BEND7: variants seen among roughly 807,000 people sequenced by gnomAD.
BEND7 encodes BEN domain containing 7.
A neutral mutation model predicts 50.9 loss-of-function variants in BEND7; 28 were observed. The observed-to-expected ratio is 0.55, with a 90% confidence interval of 0.41 to 0.75. BEND7 has a LOEUF of 0.75. Among genes scored for constraint, BEND7 ranks in the 30% least tolerant of loss-of-function variants. The pLI, the probability that BEND7 is intolerant of heterozygous loss-of-function variation, is 0.00. For synonymous variants in BEND7, 170 were observed against 183.9 expected (o/e 0.92, Z 0.61); for missense variants, 477 against 491.3 (o/e 0.97, Z 0.28).
chr10:13,465,231 T>C (rs959551029), intron 6 of BEND7, among the ~76,000 whole-genome samples: 1 of 152,252 alleles, frequency 6.6e-6, no homozygotes, highest in African/African-American at 2.4e-5. Flanking sequence ...GGTCTCATAC[T>C]GAGCCCTGAA....
At chr10:13,517,008 C>G (rs2078730434) in intron 2 of BEND7, among the ~76,000 whole-genome samples, 1 of 150,660 alleles carries the variant, frequency 6.6e-6, no homozygotes, top group Non-Finnish European at 1.5e-5. Flanking sequence ...CTTTAAGAAG[C>G]AAGCAGAACA....
At chr10:13,509,772 C>A (rs2078147598) in intron 2 of BEND7, among the ~76,000 whole-genome samples, 4 of 152,170 alleles carry the variant, frequency 2.6e-5, no homozygotes. Context: ...GCGAACTTAG[C>A]TGGAGTTAAG....
downstream of BEND7, chr10:13,439,247 CTGA>C (rs1835055861): frequency 1.2e-6 from 2 of 1,614,192 alleles, no homozygotes; most frequent in East Asian, 2.2e-5. Flanking sequence ...GAATCCCTCT[CTGA>C]TGATGAAGTG....
chr10:13,451,481 C>G (rs1837693479), intron 7 of BEND7, among the ~76,000 whole-genome samples: 1 of 151,988 alleles, frequency 6.6e-6, no homozygotes, highest in African/African-American at 2.4e-5. Flanking sequence ...TCAAGAAATC[C>G]TCCTGCCTCA....
At chr10:13,451,334 G>A (rs916320426) in intron 7 of BEND7, among the ~76,000 whole-genome samples, 6 of 151,714 alleles carry the variant, frequency 4.0e-5, no homozygotes, top group African/African-American at 1.2e-4. Flanking sequence ...GACAACAGGT[G>A]CGTGCCATCT....
chr10:13,438,987 G>C (rs758950820), downstream of BEND7: 1 of 604,484 alleles, frequency 1.7e-6, no homozygotes, highest in African/African-American at 1.9e-5. Context: ...AGAATGACTC[G>C]GTTGCATATT....
chr10:13,494,241 A>AC (rs1432380560), intron 4 of BEND7, among the ~76,000 whole-genome samples: 2 of 152,078 alleles, frequency 1.3e-5, no homozygotes, highest in African/African-American at 2.4e-5. Flanking sequence ...ACATGGTGAA[A>AC]CCCCGTCTCT....
intron 2 of BEND7, among the ~76,000 whole-genome samples, chr10:13,524,121 C>T (rs1489984284): frequency 6.6e-6 from 1 of 152,212 alleles, no homozygotes; most frequent in Non-Finnish European, 1.5e-5. Flanking sequence ...GCACTAGCAT[C>T]CTGTTGCTCT....
chr10:13,528,016 G>A (rs1286288609), intron 1 of BEND7, among the ~76,000 whole-genome samples: 1 of 152,174 alleles, frequency 6.6e-6, no homozygotes, highest in African/African-American at 2.4e-5. Context: ...TGGACACGGC[G>A]TGAGCTTCTT....
intron 6 of BEND7, among the ~76,000 whole-genome samples, chr10:13,462,185 T>A (rs1002470552): frequency 6.6e-6 from 1 of 152,198 alleles, no homozygotes; most frequent in African/African-American, 2.4e-5. Flanking sequence ...CTTGTATTAG[T>A]CTGTTCTCAT....
chr10:13,453,418 C>A (rs964339641), intron 6 of BEND7, among the ~76,000 whole-genome samples: 1 of 152,064 alleles, frequency 6.6e-6, no homozygotes, highest in African/African-American at 2.4e-5. Flanking sequence ...ATCACACTGC[C>A]TCCTTGGTAT....
chr10:13,526,047 C>T lies in BEND7; in HGVS notation c.145+91G>A, dbSNP rs946092532. On this transcript the variant is annotated intron_variant, in intron 2 of 8. Coordinates refer to ENST00000466271, the MANE Select transcript of BEND7 (RefSeq NM_001369863.1). ...ATGTCATACATTAAGCAATGGCAGA[C>T]ATTTCCCGTTCCTGAACAATTTCCT... 6 of 569,424 alleles carry T rather than the reference C, an allele frequency of 1.1e-5. No homozygotes were observed. In the African/African-American group the frequency reaches 1.2e-4, roughly 11 times the overall value. The allele number at this position is 569,424 out of a possible 1,614,324, so 35.3% of individuals were successfully genotyped here.
chr10:13,439,190 G>T (rs1180351630), downstream of BEND7: 1 of 1,613,094 alleles, frequency 6.2e-7, no homozygotes, highest in African/African-American at 1.3e-5. Flanking sequence ...AGAGGCAAGA[G>T]ATGTGAAGGG....
intron 2 of BEND7, among the ~76,000 whole-genome samples, chr10:13,502,321 A>G (rs1487503105): frequency 2.0e-5 from 3 of 152,238 alleles, no homozygotes; most frequent in African/African-American, 7.2e-5. Context: ...ATTGAACATG[A>G]GTGAACACGG....
intron 8 of BEND7, chr10:13,443,123 G>C (rs976020743): frequency 6.6e-6 from 1 of 152,142 alleles, no homozygotes; most frequent in Non-Finnish European, 1.5e-5. Flanking sequence ...CTTTTAAAGG[G>C]TAACAAATCA....
downstream of BEND7, among the ~76,000 whole-genome samples, chr10:13,440,415 C>A (rs558681539): frequency 6.6e-6 from 1 of 152,242 alleles, no homozygotes; most frequent in African/African-American, 2.4e-5. Flanking sequence ...TGCAACAGCT[C>A]GCCCTGTGGC....
At chr10:13,470,487 G>A (rs1289642628) in intron 6 of BEND7, among the ~76,000 whole-genome samples, 4 of 152,140 alleles carry the variant, frequency 2.6e-5, no homozygotes, top group African/African-American at 9.7e-5. Flanking sequence ...GAGTTGGAGT[G>A]GAATCCTTGC....
At chr10:13,503,054 T>A in intron 2 of BEND7, 1 of 375,980 alleles carries the variant, frequency 2.7e-6, no homozygotes, top group South Asian at 1.1e-4. Flanking sequence ...TGCTTTGTCA[T>A]GACCTCAGTT....
chr10:13,444,058 T>C (rs937646662), intron 8 of BEND7: 1 of 152,094 alleles, frequency 6.6e-6, no homozygotes, highest in African/African-American at 2.4e-5. Context: ...GATTTCACTT[T>C]CTCTATACTT....
Sources: allele counts gnomAD v4.1 joint callset (sites outside exome capture counted in the v4.1 genomes callset), GRCh38; gene constraint gnomAD v4.1.1; transcripts MANE v1.5; gene names NCBI Gene and HGNC (gene_info 2026-07-23, HGNC 2026-07-21).